Variants in SLC18B1 observed in about 807,000 individuals in gnomAD.
SLC18B1 encodes MFS-type transporter SLC18B1.
SLC18B1 carries 62 observed loss-of-function variants against 53.9 expected under a neutral mutation model. That is an observed-to-expected ratio of 1.15 (90% CI 0.94 to 1.42). The LOEUF (loss-of-function observed/expected upper bound fraction) is 1.42. SLC18B1 is among the 40% of genes most tolerant of loss of function. The pLI is 0.00. For synonymous variants in SLC18B1, 217 were observed against 200.9 expected, an observed-to-expected ratio of 1.08 and a Z score of -0.68; for missense variants, 598 against 547.3, an observed-to-expected ratio of 1.09 and a Z score of -0.93.
In SLC18B1 at chr6:132,796,972, A is replaced by T; in HGVS notation, c.183+10T>A. 1 of 1,607,114 alleles carries T rather than the reference A, an allele frequency of 6.2e-7. No homozygotes were observed. Among genetic ancestry groups the T allele is most frequent in the Non-Finnish European group, 8.5e-7 (1 of 1,177,296 alleles). ...AAAACAGAGGTCCTAAGGATTTAAA[A>T]ATGTCTTACCTCTTTGGGGAAAAAC... On this transcript the variant is annotated intron_variant, in intron 2 of 13. Coordinates refer to ENST00000275227, the MANE Select transcript of SLC18B1 (RefSeq NM_052831.3).
chr6:132,788,094 C>G (rs900693265), intron 4 of SLC18B1, among the ~76,000 whole-genome samples: 2 of 150,856 alleles, frequency 1.3e-5, no homozygotes, highest in Admixed American at 1.3e-4. Flanking sequence ...CTGGGCGGCG[C>G]AGTTTGCAGT....
chr6:132,776,523 C>T (rs1781104816), intron 7 of SLC18B1, 94 bp from the exon 8 acceptor site: 2 of 823,054 alleles, frequency 2.4e-6, no homozygotes, highest in African/African-American at 1.8e-5. Flanking sequence ...GCTCTTATTA[C>T]CATGAGTCTA....
intron 1 of SLC18B1, among the ~76,000 whole-genome samples, chr6:132,797,322 G>C (rs778314954): frequency 6.6e-6 from 1 of 152,192 alleles, no homozygotes; most frequent in Non-Finnish European, 1.5e-5. Context: ...GCTTTCGGCT[G>C]GGCACGGTGG....
At chr6:132,797,490 C>A (rs561663121) in intron 1 of SLC18B1, among the ~76,000 whole-genome samples, 1 of 152,054 alleles carries the variant, frequency 6.6e-6, no homozygotes, top group Non-Finnish European at 1.5e-5. Flanking sequence ...CCCAGCTACT[C>A]GGGAGGCTGA....
At chr6:132,784,208 G>T in intron 5 of SLC18B1, 119 bp from the exon 6 acceptor site, 1 of 679,918 alleles carries the variant, frequency 1.5e-6, no homozygotes. Context: ...TCCCAAGATG[G>T]CCCCAAAATT....
At chr6:132,775,481 T>C (rs1319439395) in intron 8 of SLC18B1, among the ~76,000 whole-genome samples, 2 of 152,216 alleles carry the variant, frequency 1.3e-5, no homozygotes, top group African/African-American at 4.8e-5. Flanking sequence ...CTGTTTAAGA[T>C]ACTTGCTTTT....
intron 8 of SLC18B1, among the ~76,000 whole-genome samples, chr6:132,774,637 G>A (rs1468554893): frequency 6.6e-5 from 10 of 152,106 alleles, no homozygotes; most frequent in African/African-American, 1.9e-4. Context: ...GGCCAGGCAC[G>A]GCGGCTCACA....
intron 7 of SLC18B1, 147 bp from the exon 8 acceptor site, chr6:132,776,576 A>G: frequency 1.6e-6 from 1 of 612,268 alleles, no homozygotes; most frequent in Non-Finnish European, 2.8e-6. Flanking sequence ...CTTACCTTTG[A>G]AAATGCGTTA....
intron 10 of SLC18B1, among the ~76,000 whole-genome samples, chr6:132,772,520 A>C (rs1781002922): frequency 6.6e-6 from 1 of 152,224 alleles, no homozygotes; most frequent in Non-Finnish European, 1.5e-5. Context: ...GAAAGAGAAC[A>C]AAGGCAACTT....
At chr6:132,785,118 A>AGTGTGTGTGTGTGT (rs3063220) in intron 5 of SLC18B1, among the ~76,000 whole-genome samples, 8 of 143,004 alleles carry the variant, frequency 5.6e-5, no homozygotes, top group African/African-American at 2.0e-4. Context: ...TCTCTCTCTC[A>AGTGTGTGTGTGTGT]GTGTGTGTGT....
intron 10 of SLC18B1, among the ~76,000 whole-genome samples, chr6:132,772,591 A>G (rs1156971187): frequency 6.6e-6 from 1 of 152,192 alleles, no homozygotes; most frequent in Admixed American, 6.5e-5. Flanking sequence ...CAGCACAGCC[A>G]TAGTACTTAG....
rs1057394419 is a variant in SLC18B1, at chr6:132,769,864, A to G, written c.*406T>C. On this transcript the variant is annotated 3_prime_UTR_variant, in exon 14 of 14. Transcript: ENST00000275227. ...ACCTTTATGTATTTAGAGCATATCA[A>G]ATTAATTCATTTCTTTCCCTGTTAA... is the stretch of plus-strand genomic sequence containing the variant. 1 of 155,818 alleles carries G rather than the reference A, an allele frequency of 6.4e-6. No homozygotes were observed. The highest frequency in any genetic ancestry group is 2.4e-5 in the African/African-American group (1 of 41,540). The allele number at this position is 155,818 out of a possible 1,614,324, so 9.7% of individuals were successfully genotyped here.
chr6:132,784,939 G>T (rs1308142818), intron 5 of SLC18B1, among the ~76,000 whole-genome samples: 1 of 151,774 alleles, frequency 6.6e-6, no homozygotes, highest in Non-Finnish European at 1.5e-5. Context: ...TCTCCAAGAT[G>T]ATTTCATTGT....
intron 6 of SLC18B1, among the ~76,000 whole-genome samples, chr6:132,782,641 A>G (rs1320948894): frequency 6.6e-6 from 1 of 152,174 alleles, no homozygotes; most frequent in Non-Finnish European, 1.5e-5. Flanking sequence ...TGCTAAAGCC[A>G]TATTGTCTAT....
chr6:132,779,213 A>G, intron 7 of SLC18B1, 55 bp downstream of exon 7: 1 of 1,595,326 alleles, frequency 6.3e-7, no homozygotes, highest in Non-Finnish European at 8.6e-7. Flanking sequence ...CCCAAGAACA[A>G]GCAGTTACAT....
chr6:132,778,519 T>C (rs1454466730), intron 7 of SLC18B1, among the ~76,000 whole-genome samples: 1 of 152,210 alleles, frequency 6.6e-6, no homozygotes, highest in African/African-American at 2.4e-5. Context: ...GCATTGGAAA[T>C]GACCATATTA....
At chr6:132,780,002 C>T (rs1377907954) in intron 6 of SLC18B1, among the ~76,000 whole-genome samples, 1 of 152,168 alleles carries the variant, frequency 6.6e-6, no homozygotes, top group Non-Finnish European at 1.5e-5. Context: ...ATTACCTCCA[C>T]CTGGCCCCAC....
intron 5 of SLC18B1, among the ~76,000 whole-genome samples, chr6:132,786,640 A>G (rs1250430421): frequency 6.6e-6 from 1 of 151,926 alleles, no homozygotes; most frequent in Non-Finnish European, 1.5e-5. Flanking sequence ...TTCAAACTAC[A>G]TTGTTACATG....
intron 1 of SLC18B1, among the ~76,000 whole-genome samples, chr6:132,797,362 G>C (rs901225630): frequency 6.6e-6 from 1 of 152,232 alleles, no homozygotes; most frequent in African/African-American, 2.4e-5. Flanking sequence ...AACTTTGGGA[G>C]GCCGAGGCAG....
Sources: allele counts gnomAD v4.1 joint callset (sites outside exome capture counted in the v4.1 genomes callset), GRCh38; gene constraint gnomAD v4.1.1; transcripts MANE v1.5; gene names NCBI Gene and HGNC (gene_info 2026-07-23, HGNC 2026-07-21).